The following ARID1B variants were observed in gnomAD, a reference collection of about 807,000 sequenced individuals.
ARID1B encodes AT-rich interactive domain-containing protein 1B.
Under a neutral mutation model 212.3 loss-of-function variants are expected in ARID1B, and 30 were observed. The observed-to-expected ratio is 0.14, with a 90% CI of 0.11 to 0.19. The LOEUF is 0.19. Among genes scored for constraint, ARID1B ranks in the 10% least tolerant of loss-of-function variants. The pLI is 1.00. For missense variants in ARID1B, 2,891 were observed against 3,204.0 expected (o/e 0.90, Z 2.36); for synonymous variants, 1,402 against 1,301.7 (o/e 1.08, Z -1.66).
At chr6:157,048,958 G>A (rs1782415283) in intron 4 of ARID1B, among the ~76,000 whole-genome samples, 1 of 152,102 alleles carries the variant, frequency 6.6e-6, no homozygotes, top group Admixed American at 6.6e-5. Context: ...CAGATCACTT[G>A]AGGTCAGGAG....
rs988538569 is a variant in ARID1B, at chr6:156,955,388, G to T, written c.2247+19812G>T. 6.6e-6 allele frequency among the ~76,000 whole-genome samples: 1 copy of T among 152,102 alleles called. No homozygotes were observed. The highest frequency in any genetic ancestry group is 1.5e-5 in the Non-Finnish European group (1 of 68,034). ...TACATTACATATTAACCACAATCCT[G>T]TCCTAGAGACTTTATCTGAGGCTAG... On this transcript the variant is annotated intron_variant, in intron 4 of 19. Coordinates refer to ENST00000636930, the MANE Select transcript of ARID1B (RefSeq NM_001374828.1). This position sits in a 1 kb window ranked among gnomAD's most constrained non-coding sequence, Gnocchi z 4.2.
At chr6:156,903,687 GTAT>G (rs1789130906) in intron 3 of ARID1B, among the ~76,000 whole-genome samples, 1 of 152,290 alleles carries the variant, frequency 6.6e-6, no homozygotes, top group African/African-American at 2.4e-5. Flanking sequence ...TACCATTAAA[GTAT>G]TATCAAAATC....
Position 156,778,371 on chromosome 6 carries a change from C to T in ARID1B, c.691C>T (p.Pro231Ser), listed in dbSNP as rs2114972369. The change falls in exon 1 of 20, where the codon CCT becomes TCT. Residue 231 changes from proline to serine, a missense_variant. This residue lies in a region of ARID1B where 1,643 missense variants were observed against 1,544.0 expected (regional missense o/e 1.06). Transcript: ENST00000636930. ...CTTGGGCGGCGCGGGCGGCGGCGCGCCTCAGCCCGGCCCCGACATGGAGCA... is the reference window on the plus strand; with the variant it reads ...CTTGGGCGGCGCGGGCGGCGGCGCGTCTCAGCCCGGCCCCGACATGGAGCA... Reference protein sequence around the residue: ...NSLGGAGGGAPQPGPDMEQPQ... With the variant: ...NSLGGAGGGASQPGPDMEQPQ... 2.6e-6 allele frequency: 4 copies of T among 1,534,892 alleles called. No homozygotes were observed. Among genetic ancestry groups the T allele is most frequent in the Non-Finnish European group, 3.5e-6 (4 of 1,144,566 alleles).
chr6:156,778,036 C>T lies in ARID1B; in HGVS notation c.356C>T (p.Ser119Phe), dbSNP rs1455171423. Residue 119 changes from serine (S) to phenylalanine (F), a missense_variant, in exon 1 of 20, where the codon TCC (serine) becomes TTC (phenylalanine). Transcript: ENST00000636930. The part of the protein sequence containing the change: ...KEGGSAAALS[S>F]SSSSSAAAAA... The stretch of plus-strand genomic sequence containing the variant: ...GGTGGAAGCGCCGCCGCGCTGTCCT[C>T]CTCCTCCTCCTCCTCCGCGGCGGCA... The T allele has an allele frequency of 2.0e-6, 3 of 1,532,160 alleles. No homozygotes were observed. The highest frequency in any genetic ancestry group is 2.5e-5 in the East Asian group (1 of 40,688). The allele number at this position is 1,532,160 out of a possible 1,614,324, so 94.9% of individuals were successfully genotyped here. A position where few individuals can be genotyped will look rare whatever the true frequency, so the allele number is the denominator to read the frequency against.
At position 156,902,762 on chromosome 6, in the gene ARID1B, A is replaced by AAAG. The variant is rs1235308967; in HGVS notation, c.2136+1237_2136+1238insAAG. Among the ~76,000 whole-genome samples, 9 of 145,598 alleles carry AAAG rather than the reference A, an allele frequency of 6.2e-5. 1 individual carries two copies. The highest frequency in any genetic ancestry group is 2.4e-4 in the African/African-American group (9 of 37,764). On this transcript the variant is annotated intron_variant, in intron 3 of 19. Coordinates refer to ENST00000636930, the MANE Select transcript of ARID1B (RefSeq NM_001374828.1). Reference sequence around the variant, plus strand: ...AAAAAAAAAAAAAAAAAAAAAAAAAAGTAACATCTGTGGGGTTTGTAGCAG... The same window carrying AAAG: ...AAAAAAAAAAAAAAAAAAAAAAAAAAAAGGTAACATCTGTGGGGTTTGTAGCAG...
intron 11 of ARID1B, among the ~76,000 whole-genome samples, chr6:157,179,663 G>C (rs1243283114): frequency 6.6e-6 from 1 of 152,082 alleles, no homozygotes; most frequent in Non-Finnish European, 1.5e-5. Flanking sequence ...TGATAAAGAG[G>C]TTATGCCTCA....
At chr6:156,962,937 A>G (rs532626291) in intron 4 of ARID1B, among the ~76,000 whole-genome samples, 14 of 117,362 alleles carry the variant, frequency 1.2e-4, no homozygotes, top group Non-Finnish European at 2.1e-4. Context: ...GTGCGCCACC[A>G]CGGCCAGCTA....
chr6:157,010,787 C>T (rs568406444), intron 4 of ARID1B, among the ~76,000 whole-genome samples: 2 of 152,214 alleles, frequency 1.3e-5, no homozygotes, highest in South Asian at 4.1e-4. Context: ...GTGCTTAATC[C>T]TTCACGATAA....
intron 6 of ARID1B, among the ~76,000 whole-genome samples, chr6:157,120,942 T>C (rs140305753): frequency 1.3e-5 from 2 of 152,346 alleles, no homozygotes; most frequent in East Asian, 3.9e-4. Context: ...CACGCACGCT[T>C]TCTGTGTTTG....
chr6:156,890,271 T>A (rs954151405), intron 2 of ARID1B, among the ~76,000 whole-genome samples: 4 of 152,170 alleles, frequency 2.6e-5, no homozygotes, highest in Admixed American at 6.5e-5. Flanking sequence ...GCAGTGAAAT[T>A]TTGTAGGCAA....
rs772853643 is a variant in ARID1B at position 156,935,588 on chromosome 6, T to C, written c.2247+12T>C. The C allele has an allele frequency of 1.3e-6, 2 of 1,584,604 alleles. No individual in the cohort carries two copies. Among genetic ancestry groups the C allele is most frequent in the East Asian group, 2.2e-5 (1 of 44,694 alleles). ...CATCAAGTTTACCAGTAAGACATTA[T>C]TGTGCTGATTTGGAAATGTAATGAG... is the stretch of plus-strand genomic sequence containing the variant. On this transcript the variant is annotated intron_variant, in intron 4 of 19. Transcript: ENST00000636930.
chr6:156,813,092 ACATACATATATATATATTT>A (rs1562404627), intron 1 of ARID1B, among the ~76,000 whole-genome samples: 5 of 96,942 alleles, frequency 5.2e-5, no homozygotes, highest in African/African-American at 1.8e-4. Flanking sequence ...GTATGTATAT[ACATACATATATATATATTT>A]TTTTTTTTTT....
chr6:157,007,619 CAG>C (rs1779321402), intron 4 of ARID1B, among the ~76,000 whole-genome samples: 2 of 151,824 alleles, frequency 1.3e-5, no homozygotes, highest in African/African-American at 4.8e-5. Flanking sequence ...AGAAATGAGT[CAG>C]AGAGTTGTTG....
At chr6:157,173,183 A>T (rs1432993101) in intron 9 of ARID1B, 1 of 152,260 alleles carries the variant, frequency 6.6e-6, no homozygotes, top group Non-Finnish European at 1.5e-5. Flanking sequence ...CCATATTTTT[A>T]ACCTGAAAAT....
At chr6:157,163,370 C>G (rs1791079496) in intron 8 of ARID1B, among the ~76,000 whole-genome samples, 1 of 152,194 alleles carries the variant, frequency 6.6e-6, no homozygotes, top group Admixed American at 6.5e-5. Context: ...AGGGCGGCAG[C>G]CATCTTAGGA....
chr6:157,189,395 A>G (rs1381876193), intron 13 of ARID1B, among the ~76,000 whole-genome samples: 1 of 152,248 alleles, frequency 6.6e-6, no homozygotes, highest in African/African-American at 2.4e-5. Flanking sequence ...AATGTGTTTT[A>G]TGGCTCACAA....
chr6:157,112,922 C>CTTT (rs573564655), intron 6 of ARID1B, among the ~76,000 whole-genome samples: 1 of 137,272 alleles, frequency 7.3e-6, no homozygotes, highest in Admixed American at 7.3e-5. Flanking sequence ...ATGACCACTT[C>CTTT]TTTTTTTTTT....
At chr6:157,089,504 T>C (rs1319827040) in intron 5 of ARID1B, among the ~76,000 whole-genome samples, 5 of 152,194 alleles carry the variant, frequency 3.3e-5, no homozygotes, top group Non-Finnish European at 5.9e-5. Flanking sequence ...AGATTTTTTA[T>C]GTTAGGTAGC....
Position 156,899,783 on chromosome 6 carries a change from C to T in ARID1B, c.1987-1593C>T, listed in dbSNP as rs959548626. Among the ~76,000 whole-genome samples the T allele has an allele frequency of 2.0e-5, 3 of 152,182 alleles. No individual in the cohort carries two copies. In the East Asian group the frequency reaches 5.8e-4, roughly 29 times the overall value. ...ACTTCCATATTGTGTGTGAGGGCTTCTGTAACCAGAAAGTCAACATATTAA... is the reference window on the plus strand; with the variant it reads ...ACTTCCATATTGTGTGTGAGGGCTTTTGTAACCAGAAAGTCAACATATTAA... On this transcript the variant is annotated intron_variant, in intron 2 of 19. Transcript: ENST00000636930.
Sources: allele counts gnomAD v4.1 joint callset (sites outside exome capture counted in the v4.1 genomes callset), GRCh38; gene constraint gnomAD v4.1.1; regional missense constraint gnomAD v4.1.1; non-coding constraint Gnocchi (gnomAD v3.1); transcripts MANE v1.5; gene names NCBI Gene and HGNC (gene_info 2026-07-23, HGNC 2026-07-21).